HPSE2: variants seen among roughly 807,000 people sequenced by gnomAD.
HPSE2 encodes inactive heparanase-2.
A neutral mutation model predicts 60.5 loss-of-function variants in HPSE2; 38 were observed. The observed-to-expected ratio is 0.63, with a 90% CI of 0.48 to 0.82. The LOEUF (loss-of-function observed/expected upper bound fraction) is 0.82. Among genes scored for constraint, HPSE2 ranks in the 40% least tolerant of loss-of-function variants. HPSE2 has a pLI of 0.00. For missense variants in HPSE2, 713 were observed against 740.4 expected, an observed-to-expected ratio of 0.96 and a Z score of 0.43; for synonymous variants, 295 against 293.2, an observed-to-expected ratio of 1.01 and a Z score of -0.06.
chr10:98,539,278 T>C (rs1943384481), intron 9 of HPSE2, among the ~76,000 whole-genome samples: 1 of 152,158 alleles, frequency 6.6e-6, no homozygotes, highest in Non-Finnish European at 1.5e-5. Flanking sequence ...TCCCAGCTCT[T>C]TGGGAGGCTG....
At chr10:99,204,743 G>A (rs1036042318) in intron 2 of HPSE2, among the ~76,000 whole-genome samples, 1 of 151,576 alleles carries the variant, frequency 6.6e-6, no homozygotes, top group African/African-American at 2.4e-5. Context: ...TGGAGATTTG[G>A]AAAAATTTGA....
At chr10:99,137,431 G>A (rs1845700807) in intron 3 of HPSE2, among the ~76,000 whole-genome samples, 2 of 152,200 alleles carry the variant, frequency 1.3e-5, no homozygotes, top group Admixed American at 1.3e-4. Flanking sequence ...AGCCCACAGG[G>A]CTAAGACAAT....
intron 3 of HPSE2, among the ~76,000 whole-genome samples, chr10:98,856,617 AT>A (rs1165775539): frequency 1.3e-5 from 2 of 152,170 alleles, no homozygotes; most frequent in African/African-American, 2.4e-5. Context: ...GCAAAAAAAA[AT>A]CTTTCAGAAT....
intron 2 of HPSE2, among the ~76,000 whole-genome samples, chr10:99,152,026 A>G (rs1302170858): frequency 6.6e-6 from 1 of 152,134 alleles, no homozygotes; most frequent in Non-Finnish European, 1.5e-5. Context: ...TTTAAAAAAA[A>G]AAAGAGGCTG....
intron 3 of HPSE2, among the ~76,000 whole-genome samples, chr10:98,982,138 T>C (rs1334736484): frequency 6.6e-6 from 1 of 152,046 alleles, no homozygotes; most frequent in Non-Finnish European, 1.5e-5. Flanking sequence ...CATCAGAAAT[T>C]CAGGTAAAGA....
chr10:98,864,361 C>T (rs931606696), intron 3 of HPSE2, among the ~76,000 whole-genome samples: 3 of 152,058 alleles, frequency 2.0e-5, no homozygotes, highest in African/African-American at 7.2e-5. Flanking sequence ...ATACTGTGAC[C>T]TTTGGAGGAG....
At chr10:99,196,114 G>C (rs369073094) in intron 2 of HPSE2, among the ~76,000 whole-genome samples, 1 of 152,054 alleles carries the variant, frequency 6.6e-6, no homozygotes, top group African/African-American at 2.4e-5. Flanking sequence ...GGAAAGGACA[G>C]TCTCTTCAAT....
chr10:99,077,491 G>A (rs998800973), intron 3 of HPSE2, among the ~76,000 whole-genome samples: 2 of 151,736 alleles, frequency 1.3e-5, no homozygotes, highest in African/African-American at 2.4e-5. Flanking sequence ...GATTGATCTA[G>A]TCTGCTATTC....
chr10:99,288,441 A>G, the HPSE2 span, among the ~76,000 whole-genome samples: 1 of 152,234 alleles, frequency 6.6e-6, no homozygotes, highest in Admixed American at 6.5e-5. Context: ...TAATTATCCC[A>G]GAATAAAAAG....
At chr10:98,926,771 C>G (rs192081617) in intron 3 of HPSE2, among the ~76,000 whole-genome samples, 1 of 152,264 alleles carries the variant, frequency 6.6e-6, no homozygotes, top group East Asian at 1.9e-4. Flanking sequence ...TTGTCCCTTA[C>G]TTATCCTTAT....
chr10:99,211,149 A>G (rs1050226231), intron 2 of HPSE2, among the ~76,000 whole-genome samples: 2 of 152,138 alleles, frequency 1.3e-5, no homozygotes, highest in Non-Finnish European at 2.9e-5. Context: ...AAATGAAGAC[A>G]ACAATTCTAT....
chr10:98,929,186 A>G lies in HPSE2; in HGVS notation c.611-185130T>C, dbSNP rs1321168100. ...CCTTGTAAGCACAAATAGCAGGCACAAAGTTCCAGAAGCACACACCACTGT... is the reference window on the plus strand; with the variant it reads ...CCTTGTAAGCACAAATAGCAGGCACGAAGTTCCAGAAGCACACACCACTGT... On this transcript the variant is annotated intron_variant, in intron 3 of 11. Coordinates refer to ENST00000370552, the MANE Select transcript of HPSE2 (RefSeq NM_021828.5). 5.6e-5 allele frequency among the ~76,000 whole-genome samples: 8 copies of G among 143,252 alleles called. 2 individuals are homozygous for G. The highest frequency in any genetic ancestry group is 2.3e-4 in the African/African-American group (8 of 35,036). 94.0% of individuals were successfully genotyped at this position (143,252 alleles called of 152,430 possible).
chr10:99,061,639 C>T (rs11595993), intron 3 of HPSE2, among the ~76,000 whole-genome samples: 24,633 of 152,130 alleles, frequency 0.16, 2,409 homozygotes, highest in Admixed American at 0.24. Flanking sequence ...TATTCATCCT[C>T]TCCCATATTT....
intron 3 of HPSE2, among the ~76,000 whole-genome samples, chr10:99,110,778 T>C (rs767724049): frequency 5.3e-5 from 8 of 152,174 alleles, no homozygotes; most frequent in Non-Finnish European, 1.2e-4. Flanking sequence ...ATTATTCTCC[T>C]GCCTTTGTTG....
chr10:98,712,313 T>C (rs538527035), intron 5 of HPSE2, among the ~76,000 whole-genome samples: 2 of 152,010 alleles, frequency 1.3e-5, no homozygotes, highest in Admixed American at 1.3e-4. Context: ...TGAAAAAAAT[T>C]GTTATATGTC....
intron 2 of HPSE2, among the ~76,000 whole-genome samples, chr10:99,187,219 A>G (rs1848062119): frequency 6.6e-6 from 1 of 152,176 alleles, no homozygotes; most frequent in South Asian, 2.1e-4. Context: ...GGGAACAAAA[A>G]ATTTCATGTA....
chr10:98,789,070 TC>T (rs1385471885), intron 3 of HPSE2, among the ~76,000 whole-genome samples: 1 of 152,162 alleles, frequency 6.6e-6, no homozygotes, highest in Non-Finnish European at 1.5e-5. Context: ...TTATCTCTCT[TC>T]CCCAGTAGAA....
chr10:98,608,326 A>G (rs1037447588), intron 9 of HPSE2, among the ~76,000 whole-genome samples: 1 of 152,256 alleles, frequency 6.6e-6, no homozygotes, highest in Non-Finnish European at 1.5e-5. Flanking sequence ...TTTTAGGTCT[A>G]GAGCGCTTTC....
chr10:99,099,425 G>A (rs981382692), intron 3 of HPSE2, among the ~76,000 whole-genome samples: 2 of 152,224 alleles, frequency 1.3e-5, no homozygotes, highest in African/African-American at 4.8e-5. Context: ...CAAACTGCAA[G>A]GCAGCAGCGA....
Sources: gnomAD v4.1 joint callset for allele counts (sites outside exome capture counted in the v4.1 genomes callset) on GRCh38, gnomAD v4.1.1 for gene constraint, MANE v1.5 for transcripts, NCBI Gene and HGNC (gene_info 2026-07-23, HGNC 2026-07-21) for gene names.